Variants in OPCML observed in about 807,000 individuals in gnomAD.
OPCML encodes opioid-binding protein/cell adhesion molecule.
A neutral mutation model predicts 37.8 loss-of-function variants in OPCML; 13 were observed. That is an observed-to-expected ratio of 0.34 (90% CI 0.22 to 0.55). The LOEUF (loss-of-function observed/expected upper bound fraction) is 0.55. Among genes scored for constraint, OPCML ranks in the 20% least tolerant of loss-of-function variants. OPCML has a pLI of 0.91. For synonymous variants in OPCML, 176 were observed against 168.8 expected, an observed-to-expected ratio of 1.04 and a Z score of -0.33; for missense variants, 341 against 435.6, an observed-to-expected ratio of 0.78 and a Z score of 1.93.
At chr11:132,571,049 G>A (rs1339970286) in intron 3 of OPCML, among the ~76,000 whole-genome samples, 1 of 151,896 alleles carries the variant, frequency 6.6e-6, no homozygotes, top group Non-Finnish European at 1.5e-5. Context: ...CCATTCGGCT[G>A]CCAGCCTGGC....
chr11:132,888,132 G>C (rs1436400850), intron 2 of OPCML, among the ~76,000 whole-genome samples: 2 of 152,128 alleles, frequency 1.3e-5, no homozygotes, highest in African/African-American at 4.8e-5. Context: ...GGAAAAGCAG[G>C]GTGTAGGAGC....
At chr11:132,635,597 A>AC (rs1443824862) in intron 3 of OPCML, among the ~76,000 whole-genome samples, 4 of 151,776 alleles carry the variant, frequency 2.6e-5, no homozygotes, top group African/African-American at 4.8e-5. Context: ...TTGACCAAAA[A>AC]AAAATTTGTT....
chr11:132,542,507 C>T (rs1394279525), intron 3 of OPCML, among the ~76,000 whole-genome samples: 3 of 152,148 alleles, frequency 2.0e-5, no homozygotes, highest in African/African-American at 7.2e-5. Context: ...TTGGAAGCCA[C>T]ATCAGCAGGA....
At chr11:132,994,235 G>A (rs1946836599) in intron 1 of OPCML, among the ~76,000 whole-genome samples, 1 of 152,178 alleles carries the variant, frequency 6.6e-6, no homozygotes, top group South Asian at 2.1e-4. Context: ...GCCAGGAGCC[G>A]GCGCGCGCGG....
At chr11:133,200,700 T>C (rs1347780190) in intron 1 of OPCML, among the ~76,000 whole-genome samples, 1 of 152,238 alleles carries the variant, frequency 6.6e-6, no homozygotes, top group Non-Finnish European at 1.5e-5. Context: ...CGTAACAATA[T>C]GTTCCAATAT....
chr11:133,467,975 C>T (rs1947014718), intron 1 of OPCML, among the ~76,000 whole-genome samples: 1 of 152,088 alleles, frequency 6.6e-6, no homozygotes. Context: ...ACCTCTGGGA[C>T]CTTGGCAATT....
intron 3 of OPCML, among the ~76,000 whole-genome samples, chr11:132,569,965 G>A (rs540347539): frequency 3.6e-4 from 54 of 148,400 alleles, no homozygotes; most frequent in East Asian, 1.2e-3. Flanking sequence ...AAAAAAAACC[G>A]AAAAGCTAAT....
At chr11:132,616,950 C>T (rs1335011042) in intron 3 of OPCML, among the ~76,000 whole-genome samples, 1 of 151,998 alleles carries the variant, frequency 6.6e-6, no homozygotes, top group Admixed American at 6.6e-5. Context: ...ATTCTTTTGC[C>T]CTCATTTTAA....
chr11:132,561,561 G>A (rs2096410839), intron 3 of OPCML, among the ~76,000 whole-genome samples: 1 of 152,204 alleles, frequency 6.6e-6, no homozygotes, highest in Non-Finnish European at 1.5e-5. Context: ...CTCAATAAAT[G>A]CCTATTGTTG....
At chr11:132,834,558 C>A (rs1160952342) in intron 2 of OPCML, among the ~76,000 whole-genome samples, 6 of 152,220 alleles carry the variant, frequency 3.9e-5, no homozygotes, top group Admixed American at 1.3e-4. Context: ...CCTTCTTTGG[C>A]CTGCGGCAGC....
chr11:133,019,968 A>ATT (rs1236127972), intron 1 of OPCML, among the ~76,000 whole-genome samples: 1 of 152,206 alleles, frequency 6.6e-6, no homozygotes, highest in Non-Finnish European at 1.5e-5. Context: ...ATAATTAACT[A>ATT]TTTAAAATTC....
At chr11:133,351,916 A>T (rs1944147727) in intron 1 of OPCML, among the ~76,000 whole-genome samples, 1 of 152,090 alleles carries the variant, frequency 6.6e-6, no homozygotes, top group African/African-American at 2.4e-5. Flanking sequence ...AAGCATCTTG[A>T]CTTTTTCTGT....
intron 1 of OPCML, chr11:133,421,635 C>T (rs1377453327): frequency 2.0e-6 from 2 of 985,314 alleles, no homozygotes; most frequent in South Asian, 4.7e-5. Flanking sequence ...CAGTCATTCA[C>T]TCTTATTTTG....
chr11:132,736,792 T>C (rs1361585896), intron 2 of OPCML, among the ~76,000 whole-genome samples: 1 of 152,078 alleles, frequency 6.6e-6, no homozygotes, highest in Admixed American at 6.5e-5. Context: ...CACTGCCCCA[T>C]TGACATATTG....
intron 1 of OPCML, among the ~76,000 whole-genome samples, chr11:133,127,831 A>G (rs1403700440): frequency 6.6e-6 from 1 of 152,052 alleles, no homozygotes; most frequent in Non-Finnish European, 1.5e-5. Context: ...GCAAGCATCA[A>G]GGAGGGGCAC....
intron 1 of OPCML, among the ~76,000 whole-genome samples, chr11:133,225,931 C>T (rs577231260): frequency 2.0e-4 from 31 of 152,322 alleles, no homozygotes; most frequent in Non-Finnish European, 3.7e-4. Context: ...GCTTCCCATG[C>T]ATTACATCAT....
chr11:132,652,081 G>A (rs1941455848), intron 3 of OPCML, among the ~76,000 whole-genome samples: 1 of 152,178 alleles, frequency 6.6e-6, no homozygotes, highest in Admixed American at 6.5e-5. Context: ...AAGAGCTCAT[G>A]ACAGTTAGAA....
chr11:132,652,387 G>C (rs580607), intron 3 of OPCML, among the ~76,000 whole-genome samples: 55,846 of 124,244 alleles, frequency 0.45, 10,550 homozygotes, highest in East Asian at 0.55. Flanking sequence ...CACACACACA[G>C]AGAGAGAAAT....
At position 133,381,794 on chromosome 11, in the gene OPCML, C is replaced by T. The variant is rs575308556; in HGVS notation, c.61+150470G>A. ...TTCCAAGTTCATTTTAATGTTTGGA[C>T]ATGAACACTTTATGTGGACACATTC... On this transcript the variant is annotated intron_variant, in intron 1 of 7. Transcript: ENST00000524381. Among the ~76,000 whole-genome samples the T allele has an allele frequency of 5.9e-5, 9 of 152,360 alleles. No homozygotes were observed. The South Asian group carries it at 6.2e-4, about 11-fold the overall frequency.
Sources: gnomAD v4.1 joint callset for allele counts (sites outside exome capture counted in the v4.1 genomes callset) on GRCh38, gnomAD v4.1.1 for gene constraint, MANE v1.5 for transcripts, NCBI Gene and HGNC (gene_info 2026-07-23, HGNC 2026-07-21) for gene names.